EPS15L1: variants seen among roughly 807,000 people sequenced by gnomAD.
The protein encoded by EPS15L1 is epidermal growth factor receptor pathway substrate 15 like 1, also known as epidermal growth factor receptor substrate 15-like 1.
Under a neutral mutation model 117.1 loss-of-function variants are expected in EPS15L1, and 43 were observed. The observed-to-expected ratio is 0.37, with a 90% CI of 0.29 to 0.47. The LOEUF (loss-of-function observed/expected upper bound fraction) is 0.47, where lower values mean the gene tolerates loss of function less well. EPS15L1 is among the 20% of genes least tolerant of loss of function. EPS15L1 has a pLI of 0.99. For synonymous variants in EPS15L1, 459 were observed against 470.5 expected, an observed-to-expected ratio of 0.98 and a Z score of 0.32; for missense variants, 981 against 1,164.0, an observed-to-expected ratio of 0.84 and a Z score of 2.29.
At chr19:16,417,013 C>T (rs2092764484) in intron 12 of EPS15L1, among the ~76,000 whole-genome samples, 1 of 152,246 alleles carries the variant, frequency 6.6e-6, no homozygotes, top group Admixed American at 6.5e-5. Context: ...TAAGCCCGCT[C>T]CTCGCCATCT....
At chr19:16,447,805 G>T (rs1443514602) in intron 1 of EPS15L1, among the ~76,000 whole-genome samples, 2 of 151,290 alleles carry the variant, frequency 1.3e-5, no homozygotes, top group African/African-American at 2.4e-5. Context: ...TTCTGAAAAA[G>T]AATAATAAAG....
At chr19:16,393,413 C>T (rs990593620) in intron 18 of EPS15L1, among the ~76,000 whole-genome samples, 5 of 151,708 alleles carry the variant, frequency 3.3e-5, no homozygotes, top group African/African-American at 1.2e-4. Flanking sequence ...TTTGGGAGAC[C>T]AAGGTGGGCA....
At chr19:16,445,248 C>T (rs941580450) in intron 1 of EPS15L1, among the ~76,000 whole-genome samples, 1 of 152,176 alleles carries the variant, frequency 6.6e-6, no homozygotes, top group Non-Finnish European at 1.5e-5. Flanking sequence ...CCAACCTCTG[C>T]CCATCCATGC....
At chr19:16,407,455 G>A (rs1036713761) in intron 13 of EPS15L1, among the ~76,000 whole-genome samples, 1 of 152,080 alleles carries the variant, frequency 6.6e-6, no homozygotes, top group Admixed American at 6.6e-5. Context: ...ACAGGTGCAC[G>A]CCACCACGCC....
intron 1 of EPS15L1, among the ~76,000 whole-genome samples, chr19:16,445,962 A>AGT (rs1488954052): frequency 1.3e-5 from 2 of 152,238 alleles, no homozygotes; most frequent in African/African-American, 4.8e-5. Flanking sequence ...GATGAGGTTC[A>AGT]GTGTAGCTTT....
At chr19:16,399,107 G>A (rs1480566725) in intron 16 of EPS15L1, among the ~76,000 whole-genome samples, 1 of 152,102 alleles carries the variant, frequency 6.6e-6, no homozygotes, top group Non-Finnish European at 1.5e-5. Flanking sequence ...CCCCTGCACT[G>A]ACAGTCAGGC....
rs115277133 is a variant in EPS15L1, at chr19:16,405,818, C to A, written c.1267-1069G>T. On this transcript the variant is annotated intron_variant, in intron 13 of 23. Coordinates refer to ENST00000455140, the MANE Select transcript of EPS15L1 (RefSeq NM_001258374.3). The surrounding 1 kb of genome is among the most constrained non-coding windows in gnomAD (Gnocchi z 4.0). ...CCAAGAAGAGGGCAGAGGCTTCTCA[C>A]CTCCTGATTTTCAACCACGCAAATG... Among the ~76,000 whole-genome samples, 1 of 152,246 alleles carries A rather than the reference C, an allele frequency of 6.6e-6. No individual in the cohort carries two copies. The highest frequency in any genetic ancestry group is 1.5e-5 in the Non-Finnish European group (1 of 68,046).
At chr19:16,459,000 C>G (rs1236351307) in intron 1 of EPS15L1, among the ~76,000 whole-genome samples, 4 of 152,204 alleles carry the variant, frequency 2.6e-5, no homozygotes, top group African/African-American at 9.6e-5. Flanking sequence ...TGTGGTCTAG[C>G]CTATTACTCC....
At chr19:16,402,509 C>T in intron 15 of EPS15L1, 24 bp from the exon 16 acceptor site, 18 of 1,560,804 alleles carry the variant, frequency 1.2e-5, no homozygotes, top group Non-Finnish European at 1.6e-5. Context: ...ACATCATCAG[C>T]ATTAAGCAGG....
intron 16 of EPS15L1, among the ~76,000 whole-genome samples, chr19:16,398,365 A>G (rs1368311557): frequency 6.6e-6 from 1 of 152,246 alleles, no homozygotes; most frequent in Non-Finnish European, 1.5e-5. Context: ...CAAGTTAAGT[A>G]CAGATGTCCA....
In EPS15L1 at chr19:16,417,581, G is replaced by T; in HGVS notation, c.1164C>A (p.Asp388Glu). The T allele has an allele frequency of 6.2e-7, 1 of 1,614,134 alleles. No homozygotes were observed. Among genetic ancestry groups the T allele is most frequent in the Non-Finnish European group, 8.5e-7 (1 of 1,180,006 alleles). ...GEFTGVKELD[D>E]ISQEIAQLQR... ...GTAACTGGGCAATCTCTTGACTGAT[G>T]TCATCAAGCTCCTTCACGCCAGTAA... is the stretch of plus-strand genomic sequence containing the variant. The change falls in exon 12 of 24, where the codon GAC (aspartate) becomes GAA (glutamate). Residue 388 changes from aspartate (D) to glutamate (E), a missense_variant. This residue lies in a region of EPS15L1 where 819 missense variants were observed against 949.0 expected (regional missense o/e 0.86). Coordinates refer to ENST00000455140, the MANE Select transcript of EPS15L1 (RefSeq NM_001258374.3).
intron 21 of EPS15L1, among the ~76,000 whole-genome samples, chr19:16,382,421 G>A (rs538655785): frequency 1.3e-5 from 2 of 152,262 alleles, no homozygotes; most frequent in African/African-American, 4.8e-5. Flanking sequence ...AGTGAAGTGT[G>A]CTTAAAATAA....
intron 23 of EPS15L1, 134 bp from the exon 24 acceptor site, chr19:16,355,985 A>T (rs1213203921): frequency 1.9e-5 from 21 of 1,131,772 alleles, no homozygotes; most frequent in Non-Finnish European, 2.6e-5. Flanking sequence ...TGCAGGGGAT[A>T]AGCATGTCTT....
rs149019261 is a variant in EPS15L1 at position 16,393,077 on chromosome 19, TATAATAATAATAATAATAATAATA to T, written c.1967-661_1967-638del. On this transcript the variant is annotated intron_variant, in intron 18 of 23. Transcript: ENST00000455140. ...AATAAAATATCCTGCAGGAGCTGGA[TATAATAATAATAATAATAATAATA>T]ATAATAATAATAATAATAATAATAA... Among the ~76,000 whole-genome samples the T allele has an allele frequency of 4.6e-4, 66 of 142,540 alleles. No individual in the cohort carries two copies. In the South Asian group the frequency reaches 4.9e-3, roughly 11 times the overall value. 93.5% of individuals were successfully genotyped at this position (142,540 alleles called of 152,430 possible). A position where few individuals can be genotyped will look rare whatever the true frequency, so the allele number is the denominator to read the frequency against.
At chr19:16,424,326 CA>C (rs972669317) in intron 9 of EPS15L1, among the ~76,000 whole-genome samples, 1 of 152,138 alleles carries the variant, frequency 6.6e-6, no homozygotes, top group African/African-American at 2.4e-5. Context: ...TATACCCTCC[CA>C]CCCCACCCCA....
At chr19:16,429,509 G>T (rs2092908864) in intron 7 of EPS15L1, among the ~76,000 whole-genome samples, 1 of 152,108 alleles carries the variant, frequency 6.6e-6, no homozygotes, top group Non-Finnish European at 1.5e-5. Context: ...GTCCATGCAG[G>T]TTTCTCACAT....
chr19:16,395,184 G>A (rs1258032399), intron 17 of EPS15L1, among the ~76,000 whole-genome samples, 160 bp downstream of exon 17: 1 of 144,808 alleles, frequency 6.9e-6, no homozygotes, highest in East Asian at 2.0e-4. Flanking sequence ...GACAGCAAGA[G>A]AGCGAGAGTT....
intron 16 of EPS15L1, among the ~76,000 whole-genome samples, chr19:16,397,159 G>A (rs530611326): frequency 4.0e-5 from 6 of 151,370 alleles, no homozygotes; most frequent in Admixed American, 2.0e-4. Flanking sequence ...GCGTGATCTC[G>A]GCTCACTGCA....
chr19:16,359,734 C>T (rs954614379), intron 23 of EPS15L1, among the ~76,000 whole-genome samples: 7 of 151,960 alleles, frequency 4.6e-5, no homozygotes, highest in African/African-American at 1.2e-4. Context: ...TGGTGGTGCG[C>T]GCCTGAGGTC....
Sources: gnomAD v4.1 joint callset for allele counts (sites outside exome capture counted in the v4.1 genomes callset) on GRCh38, gnomAD v4.1.1 for gene constraint, gnomAD v4.1.1 regional missense constraint, Gnocchi (gnomAD v3.1) non-coding constraint, MANE v1.5 for transcripts, NCBI Gene and HGNC (gene_info 2026-07-23, HGNC 2026-07-21) for gene names.